The following PTPRC variants were observed in gnomAD, a reference collection of about 807,000 sequenced individuals.
PTPRC encodes the protein receptor-type tyrosine-protein phosphatase C.
Under a neutral mutation model 155.9 loss-of-function variants are expected in PTPRC, and 44 were observed. The ratio of observed to expected loss-of-function variants is 0.28; its 90% CI spans 0.22 to 0.36. The LOEUF (loss-of-function observed/expected upper bound fraction) is 0.36, where lower values mean the gene tolerates loss of function less well. Among genes scored for constraint, PTPRC ranks in the 10% least tolerant of loss-of-function variants. The pLI is 1.00. For missense variants in PTPRC, 1,401 were observed against 1,564.6 expected, an observed-to-expected ratio of 0.90 and a Z score of 1.76; for synonymous variants, 525 against 533.1, an observed-to-expected ratio of 0.98 and a Z score of 0.21.
intron 3 of PTPRC, among the ~76,000 whole-genome samples, chr1:198,695,778 G>A (rs1360900537): frequency 1.3e-5 from 2 of 152,048 alleles, no homozygotes; most frequent in Non-Finnish European, 2.9e-5. Flanking sequence ...TGTAGACTTT[G>A]GTTGTTTGTA....
chr1:198,673,080 T>C (rs1281941501), intron 2 of PTPRC, among the ~76,000 whole-genome samples: 3 of 152,180 alleles, frequency 2.0e-5, no homozygotes, highest in Non-Finnish European at 4.4e-5. Flanking sequence ...AGAATCTCAG[T>C]GTTGGGCCAC....
chr1:198,660,156 A>T (rs984941576), intron 2 of PTPRC, among the ~76,000 whole-genome samples: 1 of 149,208 alleles, frequency 6.7e-6, no homozygotes, highest in Non-Finnish European at 1.5e-5. Flanking sequence ...ATATTGACAA[A>T]TGGCTTTCAG....
In PTPRC at chr1:198,695,482, CT is replaced by C. The variant is rs569207411; in HGVS notation, c.101-1218del. 5.0e-3 allele frequency among the ~76,000 whole-genome samples: 664 copies of C among 132,500 alleles called. 4 individuals carry two copies. The highest frequency in any genetic ancestry group is 0.014 in the African/African-American group (518 of 35,838). 86.9% of individuals were successfully genotyped at this position (132,500 alleles called of 152,430 possible). ...TTCCAACCTCCAGAGATCACATGAG[CT>C]TTTTTTTTTTTAACACATTTGGTAT... On this transcript the variant is annotated intron_variant, in intron 3 of 32. Transcript: ENST00000442510.
intron 2 of PTPRC, among the ~76,000 whole-genome samples, chr1:198,671,223 C>T (rs979897740): frequency 3.9e-5 from 6 of 152,076 alleles, no homozygotes; most frequent in African/African-American, 1.4e-4. Context: ...AAACAACTTC[C>T]ATGCATACAC....
At chr1:198,666,259 A>G (rs1302564587) in intron 2 of PTPRC, among the ~76,000 whole-genome samples, 36 of 139,806 alleles carry the variant, frequency 2.6e-4, no homozygotes, top group Non-Finnish European at 4.7e-4. Flanking sequence ...AAAAAAAAAA[A>G]AGAGAGATGT....
intron 2 of PTPRC, among the ~76,000 whole-genome samples, chr1:198,654,152 T>C (rs1425849418): frequency 1.3e-5 from 2 of 151,858 alleles, no homozygotes; most frequent in Non-Finnish European, 2.9e-5. Context: ...TTAAAATCCT[T>C]ACAAAAAAAT....
At chr1:198,749,353 A>G (rs1343604719) in intron 27 of PTPRC, 63 bp from the exon 28 acceptor site, 9 of 1,493,380 alleles carry the variant, frequency 6.0e-6, no homozygotes, top group African/African-American at 1.4e-5. Flanking sequence ...AAATTTCCAC[A>G]TGACAATGAA....
intron 13 of PTPRC, among the ~76,000 whole-genome samples, 154 bp from the exon 14 acceptor site, chr1:198,717,940 A>T (rs987119258): frequency 6.6e-6 from 1 of 152,104 alleles, no homozygotes; most frequent in Non-Finnish European, 1.5e-5. Context: ...CAGGGTTTTG[A>T]TATTGTTTTT....
intron 2 of PTPRC, among the ~76,000 whole-genome samples, chr1:198,690,244 A>G (rs903190976): frequency 2.6e-5 from 4 of 152,168 alleles, no homozygotes; most frequent in African/African-American, 9.6e-5. Context: ...TTCAAACATG[A>G]GAGCTATTAG....
At chr1:198,642,896 CT>C (rs1662679763) in intron 2 of PTPRC, among the ~76,000 whole-genome samples, 1 of 79,322 alleles carries the variant, frequency 1.3e-5, no homozygotes, top group Non-Finnish European at 2.7e-5. Context: ...TTTTTCTTTT[CT>C]TTCTTTCTTC....
chr1:198,677,291 G>A (rs887215970), intron 2 of PTPRC, among the ~76,000 whole-genome samples: 6 of 151,984 alleles, frequency 3.9e-5, no homozygotes, highest in Non-Finnish European at 7.4e-5. Flanking sequence ...CTGTCACCTG[G>A]GGATAATGTT....
At chr1:198,704,552 T>C (rs1666629333) in intron 8 of PTPRC, 54 bp downstream of exon 8, 19 of 1,613,538 alleles carry the variant, frequency 1.2e-5, no homozygotes, top group Admixed American at 1.7e-5. Flanking sequence ...GCACTTTAAT[T>C]ACATCTTTCT....
intron 4 of PTPRC, 77 bp downstream of exon 4, chr1:198,696,986 T>C (rs1419149706): frequency 2.3e-6 from 3 of 1,307,928 alleles, no homozygotes; most frequent in Non-Finnish European, 3.3e-6. Context: ...GTACAACTTG[T>C]CTTTAAATTA....
chr1:198,722,698 G>A (rs1653950434), intron 15 of PTPRC, among the ~76,000 whole-genome samples: 1 of 149,618 alleles, frequency 6.7e-6, no homozygotes, highest in Admixed American at 6.8e-5. Flanking sequence ...AATTATTAAA[G>A]GTTTGTTGAA....
Position 198,750,495 on chromosome 1 carries a change from T to C in PTPRC, c.3076T>C (p.Tyr1026His), listed in dbSNP as rs759308256. ...KYINASFIMS[Y>H]WKPEVMIAAQ... ...CACCCTTTTTTTGTCTAAAAAGAGC[T>C]ACTGGAAACCTGAAGTGATGATTGC... Residue 1026 changes from tyrosine to histidine, a missense_variant, in exon 29 of 33, where the codon TAC becomes CAC. Physicochemically the swap from Tyr to His is moderately conservative, Grantham distance 83 (BLOSUM62 2). Around this residue, in one of 3 missense-constraint regions of PTPRC, gnomAD observed 400 missense variants for 389.5 expected, o/e 1.03. Coordinates refer to ENST00000442510, the MANE Select transcript of PTPRC (RefSeq NM_002838.5). The C allele has an allele frequency of 3.7e-6, 6 of 1,612,376 alleles. No individual in the cohort carries two copies. In the Middle Eastern group the frequency reaches 9.9e-4, roughly 267 times the overall value.
At chr1:198,746,837 A>T (rs909413641) in intron 26 of PTPRC, among the ~76,000 whole-genome samples, 2 of 151,766 alleles carry the variant, frequency 1.3e-5, no homozygotes, top group African/African-American at 4.8e-5. Flanking sequence ...AGTTTCCAAA[A>T]CATCTGGTCC....
At chr1:198,649,043 A>T (rs1663095369) in intron 2 of PTPRC, among the ~76,000 whole-genome samples, 1 of 151,812 alleles carries the variant, frequency 6.6e-6, no homozygotes, top group Non-Finnish European at 1.5e-5. Context: ...TTTCATAGTC[A>T]TCCAAAAAGC....
At chr1:198,740,315 T>A (rs553955390) in intron 23 of PTPRC, among the ~76,000 whole-genome samples, 1 of 152,002 alleles carries the variant, frequency 6.6e-6, no homozygotes, top group South Asian at 2.1e-4. Flanking sequence ...CAGTGGCTCA[T>A]GCCTGTAATC....
chr1:198,732,307 C>T lies in PTPRC; in HGVS notation c.1982C>T (p.Pro661Leu), dbSNP rs755490983. The change falls in exon 19 of 33, where the codon CCG becomes CTG. Residue 661 changes from proline (P) to leucine (L), a missense_variant. Physicochemically the swap from Pro to Leu is moderately conservative, Grantham distance 98. This residue lies in a region of PTPRC where 867 missense variants were observed against 970.4 expected (regional missense o/e 0.89). Coordinates refer to ENST00000442510, the MANE Select transcript of PTPRC (RefSeq NM_002838.5). ...RLFLAEFQSIPRVFSKFPIKE... is the reference protein window; with the variant it reads ...RLFLAEFQSILRVFSKFPIKE... ...AATCGTTGTTTCTTTCAGAGCATCC[C>T]GCGGGTGTTCAGCAAGTTTCCTATA... 1 of 1,611,706 alleles carries T rather than the reference C, an allele frequency of 6.2e-7. No homozygotes were observed. Among genetic ancestry groups the T allele is most frequent in the Non-Finnish European group, 8.5e-7 (1 of 1,178,424 alleles).
Sources: allele counts gnomAD v4.1 joint callset (sites outside exome capture counted in the v4.1 genomes callset), GRCh38; gene constraint gnomAD v4.1.1; regional missense constraint gnomAD v4.1.1; transcripts MANE v1.5; gene names NCBI Gene and HGNC (gene_info 2026-07-23, HGNC 2026-07-21).